The following ZMYM4 variants were observed in gnomAD, a reference collection of about 807,000 sequenced individuals.
ZMYM4 encodes zinc finger MYM-type containing 4, also known as zinc finger MYM-type protein 4.
In ZMYM4, 31 loss-of-function variants were observed where a neutral mutation model predicts 183.2. The observed-to-expected ratio is 0.17, with a 90% CI of 0.13 to 0.23. The LOEUF (loss-of-function observed/expected upper bound fraction) is 0.23. ZMYM4 is among the 10% of genes least tolerant of loss of function. ZMYM4 has a pLI of 1.00. For synonymous variants in ZMYM4, 592 were observed against 631.2 expected, an observed-to-expected ratio of 0.94 and a Z score of 0.93; for missense variants, 1,273 against 1,840.3, an observed-to-expected ratio of 0.69 and a Z score of 5.64.
chr1:35,272,080 A>C (rs532565889), intron 1 of ZMYM4, among the ~76,000 whole-genome samples: 29 of 152,234 alleles, frequency 1.9e-4, no homozygotes, highest in African/African-American at 7.0e-4. Context: ...ACTTTTTTCC[A>C]CTTTTTTTTG....
intron 1 of ZMYM4, among the ~76,000 whole-genome samples, chr1:35,277,373 AG>A (rs1469123701): frequency 6.6e-6 from 1 of 152,324 alleles, no homozygotes; most frequent in Non-Finnish European, 1.5e-5. Flanking sequence ...TGAGAATGAA[AG>A]GGGGTGCTAT....
intron 1 of ZMYM4, among the ~76,000 whole-genome samples, chr1:35,318,926 G>T (rs951092721): frequency 2.0e-5 from 3 of 152,116 alleles, no homozygotes; most frequent in Admixed American, 2.0e-4. Context: ...CGCTCTTGTT[G>T]CCCAGGGTGG....
chr1:35,362,062 A>C (rs759953606), intron 5 of ZMYM4, among the ~76,000 whole-genome samples: 1 of 152,232 alleles, frequency 6.6e-6, no homozygotes, highest in Non-Finnish European at 1.5e-5. Flanking sequence ...AGAACTATAC[A>C]GCAGATATGG....
intron 2 of ZMYM4, among the ~76,000 whole-genome samples, chr1:35,332,582 T>C (rs1378458128): frequency 6.6e-6 from 1 of 152,124 alleles, no homozygotes; most frequent in Non-Finnish European, 1.5e-5. Flanking sequence ...CTGTACGTAG[T>C]CTGTTACCTT....
At chr1:35,355,798 G>A (rs967957588) in intron 2 of ZMYM4, among the ~76,000 whole-genome samples, 19 of 151,968 alleles carry the variant, frequency 1.3e-4, no homozygotes, top group African/African-American at 4.1e-4. Context: ...TTCTTCCGTA[G>A]TTTATTTAAT....
At chr1:35,412,845 GAATA>G in intron 26 of ZMYM4, among the ~76,000 whole-genome samples, 1 of 152,130 alleles carries the variant, frequency 6.6e-6, no homozygotes, top group East Asian at 1.9e-4. Context: ...TTGTTAGCCA[GAATA>G]AATTTAAATG....
At chr1:35,298,771 A>C (rs960236724) in intron 1 of ZMYM4, among the ~76,000 whole-genome samples, 2 of 152,152 alleles carry the variant, frequency 1.3e-5, no homozygotes, top group Non-Finnish European at 2.9e-5. Flanking sequence ...GCAAAGGAGA[A>C]AGTTTTGCAG....
In ZMYM4 at chr1:35,357,151, A is replaced by C. The variant is rs4653131; in HGVS notation, c.86-1774A>C. 4.9e-3 allele frequency among the ~76,000 whole-genome samples: 751 copies of C among 152,284 alleles called. 22 individuals are homozygous for C. Among genetic ancestry groups the C allele is most frequent in the Admixed American group, 0.045 (687 of 15,300 alleles). ...ACAATCCTCTGGCCTCAGCCTCCCA[A>C]AGTGCTAAGATTATAGGTGTGAGCC... On this transcript the variant is annotated intron_variant, in intron 2 of 29. Transcript: ENST00000314607.
chr1:35,339,296 G>C (rs182359151), intron 2 of ZMYM4, among the ~76,000 whole-genome samples: 1 of 151,706 alleles, frequency 6.6e-6, no homozygotes, highest in African/African-American at 2.4e-5. Context: ...GTGCAGTGGC[G>C]CGATCTTTGC....
chr1:35,285,471 CT>C (rs1206963327), intron 1 of ZMYM4, among the ~76,000 whole-genome samples: 3 of 151,938 alleles, frequency 2.0e-5, no homozygotes, highest in Non-Finnish European at 4.4e-5. Context: ...AAAGAACTCA[CT>C]ACAGTCTGTC....
chr1:35,363,104 G>A (rs1421978935), intron 5 of ZMYM4, among the ~76,000 whole-genome samples: 2 of 152,214 alleles, frequency 1.3e-5, no homozygotes, highest in Non-Finnish European at 2.9e-5. Context: ...CCAGGAGGTG[G>A]AGGTTGCAGT....
At chr1:35,336,461 A>G (rs565261280) in intron 2 of ZMYM4, among the ~76,000 whole-genome samples, 10 of 150,628 alleles carry the variant, frequency 6.6e-5, no homozygotes, top group Non-Finnish European at 1.3e-4. Flanking sequence ...ATCTTGGCTC[A>G]CTGCAACCTC....
At chr1:35,285,879 AAG>A (rs933923845) in intron 1 of ZMYM4, among the ~76,000 whole-genome samples, 16 of 152,214 alleles carry the variant, frequency 1.1e-4, no homozygotes, top group African/African-American at 3.9e-4. Context: ...AAACTAGGAA[AAG>A]AGGGGAATTT....
chr1:35,307,851 C>T (rs563657237), intron 1 of ZMYM4, among the ~76,000 whole-genome samples: 9 of 145,642 alleles, frequency 6.2e-5, no homozygotes, highest in Non-Finnish European at 9.1e-5. Flanking sequence ...TTTTTTGAGA[C>T]GAAGTCTTAC....
rs1275965881 is a variant in ZMYM4, at chr1:35,373,368, CT to C, written c.1181+2752del. Among the ~76,000 whole-genome samples, 949 of 140,974 alleles carry C rather than the reference CT, an allele frequency of 6.7e-3. 5 individuals carry two copies. The highest frequency in any genetic ancestry group is 0.024 in the South Asian group (108 of 4,498). The allele number at this position is 140,974 out of a possible 152,430, so 92.5% of individuals were successfully genotyped here. A position where few individuals can be genotyped will look rare whatever the true frequency, so the allele number is the denominator to read the frequency against. On this transcript the variant is annotated intron_variant, in intron 7 of 29. Coordinates refer to ENST00000314607, the MANE Select transcript of ZMYM4 (RefSeq NM_005095.3). ...TGAATGGGAGAATTAATGATCTTAA[CT>C]TTTTTTTTTTCTTTTTTTTTTTTGA...
chr1:35,403,089 A>C (rs1319076739), intron 23 of ZMYM4, among the ~76,000 whole-genome samples: 1 of 152,174 alleles, frequency 6.6e-6, no homozygotes, highest in Non-Finnish European at 1.5e-5. Flanking sequence ...TTGGGTATTG[A>C]ACTTCCTCAG....
chr1:35,338,474 C>A (rs1016000352), intron 2 of ZMYM4, among the ~76,000 whole-genome samples: 1 of 152,126 alleles, frequency 6.6e-6, no homozygotes, highest in African/African-American at 2.4e-5. Context: ...CTCATGCCAA[C>A]TGTAGGCCTT....
At chr1:35,388,791 C>A in intron 13 of ZMYM4, 119 bp from the exon 14 acceptor site, 1 of 885,042 alleles carries the variant, frequency 1.1e-6, no homozygotes, top group Non-Finnish European at 1.7e-6. Flanking sequence ...TCCCGCCAGC[C>A]TCCCAAAGTG....
At chr1:35,283,126 C>G (rs1257196843) in intron 1 of ZMYM4, among the ~76,000 whole-genome samples, 1 of 147,072 alleles carries the variant, frequency 6.8e-6, no homozygotes, top group Non-Finnish European at 1.5e-5. Context: ...CTGCCTCAGC[C>G]TCCCAAGTAG....
Sources: allele counts gnomAD v4.1 joint callset (sites outside exome capture counted in the v4.1 genomes callset), GRCh38; gene constraint gnomAD v4.1.1; transcripts MANE v1.5; gene names NCBI Gene and HGNC (gene_info 2026-07-23, HGNC 2026-07-21).